The following AMPH variants were observed in gnomAD, a reference collection of about 807,000 sequenced individuals.
AMPH encodes the protein amphiphysin.
In AMPH, 49 loss-of-function variants were observed where a neutral mutation model predicts 99.1. That is an observed-to-expected ratio of 0.49 (90% CI 0.39 to 0.63). The LOEUF is 0.63. Ranked by LOEUF, AMPH falls within the 20% of genes least tolerant of loss-of-function variation. The pLI is 0.00. For missense variants in AMPH, 759 were observed against 863.4 expected, an observed-to-expected ratio of 0.88 and a Z score of 1.52; for synonymous variants, 314 against 317.3, an observed-to-expected ratio of 0.99 and a Z score of 0.11.
At chr7:38,592,763 T>C (rs1288725221) in intron 1 of AMPH, among the ~76,000 whole-genome samples, 3 of 150,858 alleles carry the variant, frequency 2.0e-5, no homozygotes, top group Non-Finnish European at 4.4e-5. Context: ...TTTCTCCCAC[T>C]GTGTGGTCTC....
At chr7:38,553,705 A>G (rs192385695) in intron 1 of AMPH, among the ~76,000 whole-genome samples, 1 of 152,330 alleles carries the variant, frequency 6.6e-6, no homozygotes, top group African/African-American at 2.4e-5. Flanking sequence ...AGTATTGCCA[A>G]AATTTGATTT....
chr7:38,545,296 C>A (rs2129044221), intron 1 of AMPH, among the ~76,000 whole-genome samples: 1 of 152,270 alleles, frequency 6.6e-6, no homozygotes, highest in African/African-American at 2.4e-5. Context: ...TACCTGTCTT[C>A]CTGTACAGGA....
chr7:38,456,899 C>G (rs983075770), intron 11 of AMPH, among the ~76,000 whole-genome samples: 4 of 152,212 alleles, frequency 2.6e-5, no homozygotes, highest in African/African-American at 9.7e-5. Context: ...ACTGGTCAAC[C>G]TGGCATCCTT....
chr7:38,432,576 G>A (rs1786074302), intron 12 of AMPH, among the ~76,000 whole-genome samples: 1 of 135,614 alleles, frequency 7.4e-6, no homozygotes, highest in African/African-American at 2.8e-5. Context: ...ACACAAATGA[G>A]GTTATTTTAA....
chr7:38,483,571 G>T (rs933851337), intron 5 of AMPH, among the ~76,000 whole-genome samples: 4 of 152,112 alleles, frequency 2.6e-5, no homozygotes, highest in Non-Finnish European at 4.4e-5. Context: ...GCATTCTCTA[G>T]ATGCCTAGGG....
intron 13 of AMPH, among the ~76,000 whole-genome samples, chr7:38,430,604 A>G (rs142451987): frequency 1.3e-5 from 2 of 152,378 alleles, no homozygotes; most frequent in Non-Finnish European, 2.9e-5. Context: ...CAGTTCCACT[A>G]AAGATATAAA....
At chr7:38,461,857 G>A (rs1278548101) in intron 10 of AMPH, among the ~76,000 whole-genome samples, 1 of 152,216 alleles carries the variant, frequency 6.6e-6, no homozygotes, top group Admixed American at 6.5e-5. Flanking sequence ...CAAGGATTTT[G>A]AAAAGTAGAA....
intron 1 of AMPH, among the ~76,000 whole-genome samples, chr7:38,573,078 G>A (rs752878413): frequency 1.6e-4 from 25 of 152,072 alleles, no homozygotes; most frequent in African/African-American, 5.3e-4. Flanking sequence ...TACATAGTCC[G>A]TACTCTCTTT....
chr7:38,503,590 C>T (rs1052054421), intron 3 of AMPH, 60 bp downstream of exon 3: 9 of 1,548,142 alleles, frequency 5.8e-6, no homozygotes, highest in African/African-American at 5.4e-5. Flanking sequence ...TCCTGTCACT[C>T]ATGAATTCCA....
chr7:38,416,487 T>C (rs1398501844), intron 17 of AMPH, among the ~76,000 whole-genome samples: 1 of 152,190 alleles, frequency 6.6e-6, no homozygotes. Context: ...CTGTTCAAAA[T>C]AGGGATTTGA....
chr7:38,506,079 C>A (rs1267043466), intron 2 of AMPH, among the ~76,000 whole-genome samples: 1 of 152,154 alleles, frequency 6.6e-6, no homozygotes, highest in Admixed American at 6.5e-5. Context: ...TCTCCCCATA[C>A]AGAATTTGTT....
chr7:38,621,704 G>GT (rs1166888385), intron 1 of AMPH, among the ~76,000 whole-genome samples: 2 of 152,150 alleles, frequency 1.3e-5, no homozygotes, highest in Non-Finnish European at 2.9e-5. Context: ...CTGCATGAGA[G>GT]TAAGATGTAA....
chr7:38,498,400 A>G (rs1158493298), intron 3 of AMPH, among the ~76,000 whole-genome samples: 2 of 152,248 alleles, frequency 1.3e-5, no homozygotes, highest in African/African-American at 4.8e-5. Flanking sequence ...CAAAATAATT[A>G]AGACTATTAT....
intron 1 of AMPH, among the ~76,000 whole-genome samples, chr7:38,543,828 C>T (rs1357496242): frequency 1.3e-5 from 2 of 152,006 alleles, no homozygotes; most frequent in African/African-American, 2.4e-5. Flanking sequence ...AAAATCCAGG[C>T]GATTCTGTTT....
chr7:38,458,280 C>A (rs368764309), intron 11 of AMPH, among the ~76,000 whole-genome samples: 1 of 152,036 alleles, frequency 6.6e-6, no homozygotes, highest in East Asian at 1.9e-4. Flanking sequence ...GAATTCACAG[C>A]CCAACCCTAT....
chr7:38,454,547 CA>C (rs1009557536), intron 11 of AMPH, among the ~76,000 whole-genome samples: 4 of 150,918 alleles, frequency 2.7e-5, no homozygotes, highest in Non-Finnish European at 5.9e-5. Context: ...AAAAAAAACA[CA>C]AAAAACAGCC....
chr7:38,628,308 T>G (rs959716046), intron 1 of AMPH, among the ~76,000 whole-genome samples: 1 of 152,242 alleles, frequency 6.6e-6, no homozygotes, highest in African/African-American at 2.4e-5. Flanking sequence ...CATGGACTGC[T>G]GATGAGAATG....
In AMPH at chr7:38,626,639, A is replaced by C. The variant is rs199633166; in HGVS notation, c.69+4644T>G. On this transcript the variant is annotated intron_variant, in intron 1 of 20. Coordinates refer to ENST00000356264, the MANE Select transcript of AMPH (RefSeq NM_001635.4). Reference sequence around the variant, plus strand: ...CCACTCAGGACATAGGCATGGGCAAAGACTCTATGACTAAAACACCAAAAG... The same window carrying C: ...CCACTCAGGACATAGGCATGGGCAACGACTCTATGACTAAAACACCAAAAG... 2.6e-5 allele frequency among the ~76,000 whole-genome samples: 4 copies of C among 152,354 alleles called. No homozygotes were observed. The East Asian group carries it at 7.7e-4, about 29-fold the overall frequency.
rs115456764 is a variant in AMPH, at chr7:38,598,205, T to G, written c.69+33078A>C. Among the ~76,000 whole-genome samples the G allele has an allele frequency of 4.1e-3, 627 of 152,338 alleles. 5 individuals carry two copies. Among genetic ancestry groups the G allele is most frequent in the African/African-American group, 0.014 (595 of 41,576 alleles). On this transcript the variant is annotated intron_variant, in intron 1 of 20. Coordinates refer to ENST00000356264, the MANE Select transcript of AMPH (RefSeq NM_001635.4). ...TCAACTTCCTTTTAGTGAAAGCAAG[T>G]TGTTAAGTTAGTCTGTTTAAGTCAT...
Sources: gnomAD v4.1 joint callset for allele counts (sites outside exome capture counted in the v4.1 genomes callset) on GRCh38, gnomAD v4.1.1 for gene constraint, MANE v1.5 for transcripts, NCBI Gene and HGNC (gene_info 2026-07-23, HGNC 2026-07-21) for gene names.